The following TTLL5 variants were observed in gnomAD, a reference collection of about 807,000 sequenced individuals.
TTLL5 encodes the protein tubulin polyglutamylase TTLL5.
A neutral mutation model predicts 168.4 loss-of-function variants in TTLL5; 132 were observed. The ratio of observed to expected loss-of-function variants is 0.78; its 90% CI spans 0.68 to 0.91. TTLL5 has a LOEUF of 0.91. TTLL5 is among the 40% of genes least tolerant of loss of function. The pLI, the probability that TTLL5 is intolerant of heterozygous loss-of-function variation, is 0.00. For synonymous variants in TTLL5, 546 were observed against 558.6 expected, an observed-to-expected ratio of 0.98 and a Z score of 0.32; for missense variants, 1,545 against 1,581.5, an observed-to-expected ratio of 0.98 and a Z score of 0.39.
intron 31 of TTLL5, among the ~76,000 whole-genome samples, chr14:75,920,052 G>T (rs1459771741): frequency 1.3e-5 from 2 of 152,178 alleles, no homozygotes; most frequent in East Asian, 3.8e-4. Flanking sequence ...AGCCCAGGAA[G>T]TGGAGGTTGC....
intron 31 of TTLL5, among the ~76,000 whole-genome samples, chr14:75,913,166 A>G (rs2033458312): frequency 6.6e-6 from 1 of 152,206 alleles, no homozygotes; most frequent in South Asian, 2.1e-4. Flanking sequence ...ATCTTCTGAA[A>G]GCTTTGGCAG....
Position 75,764,731 on chromosome 14 carries a change from G to A in TTLL5, c.1667G>A (p.Arg556Gln), listed in dbSNP as rs140783328. The change falls in exon 19 of 32, where the codon CGA becomes CAA. Residue 556 changes from arginine (R) to glutamine (Q), a missense_variant. Arg to Gln is a conservative substitution (Grantham distance 43). Coordinates refer to ENST00000298832, the MANE Select transcript of TTLL5 (RefSeq NM_015072.5). ...LLSLEVRKRRRRSSRLRAMRP... is the reference protein window; with the variant it reads ...LLSLEVRKRRQRSSRLRAMRP... Reference sequence around the variant, plus strand: ...TCTCTGGAGGTGCGAAAACGTAGACGACGGAGTAGCAGATTGAGGGCAATG... The same window carrying A: ...TCTCTGGAGGTGCGAAAACGTAGACAACGGAGTAGCAGATTGAGGGCAATG... The A allele has an allele frequency of 1.2e-5, 20 of 1,614,010 alleles. No individual in the cohort carries two copies. Among genetic ancestry groups the A allele is most frequent in the Admixed American group, 1.0e-4 (6 of 59,998 alleles).
intron 3 of TTLL5, among the ~76,000 whole-genome samples, chr14:75,677,073 A>G (rs1030510007): frequency 6.6e-6 from 1 of 152,052 alleles, no homozygotes; most frequent in Non-Finnish European, 1.5e-5. Context: ...CACCTGGCCC[A>G]TTTTAATTTT....
intron 31 of TTLL5, among the ~76,000 whole-genome samples, chr14:75,914,033 A>AAAAAAAAAAAATATATAT: frequency 6.5e-4 from 46 of 71,070 alleles, no homozygotes; most frequent in Non-Finnish European, 9.3e-4. Flanking sequence ...AAAAAAAAAA[A>AAAAAAAAAAAATATATAT]ATATATATAT....
intron 29 of TTLL5, among the ~76,000 whole-genome samples, chr14:75,871,537 GCTATATACT>G (rs1172313952): frequency 1.3e-5 from 2 of 150,828 alleles, no homozygotes; most frequent in African/African-American, 4.9e-5. Flanking sequence ...CTGCTGCACT[GCTATATACT>G]CTCGTATACA....
At chr14:75,715,368 G>A (rs538792630) in intron 9 of TTLL5, among the ~76,000 whole-genome samples, 2 of 151,342 alleles carry the variant, frequency 1.3e-5, no homozygotes, top group African/African-American at 4.9e-5. Flanking sequence ...TGTTGTTCAG[G>A]TAATTAAAGT....
chr14:75,826,167 A>C lies in TTLL5; in HGVS notation c.3326+6006A>C, dbSNP rs183509204. Among the ~76,000 whole-genome samples, 16 of 152,244 alleles carry C rather than the reference A, an allele frequency of 1.1e-4. No individual in the cohort carries two copies. The East Asian group carries it at 2.9e-3, about 28-fold the overall frequency. Reference sequence around the variant, plus strand: ...ATCTTTCTTATCCACAAGTCAGAATAAAGCATGGAATGCAGTGTTTGCAGT... The same window carrying C: ...ATCTTTCTTATCCACAAGTCAGAATCAAGCATGGAATGCAGTGTTTGCAGT... On this transcript the variant is annotated intron_variant, in intron 28 of 31. Transcript: ENST00000298832.
At chr14:75,723,903 AACCTCATCCC>A (rs1489781865) in intron 12 of TTLL5, among the ~76,000 whole-genome samples, 1 of 152,162 alleles carries the variant, frequency 6.6e-6, no homozygotes, top group African/African-American at 2.4e-5. Flanking sequence ...GTGCTTCATT[AACCTCATCCC>A]ATCAGATATG....
At chr14:75,945,432 T>C (rs2034741078) in intron 31 of TTLL5, among the ~76,000 whole-genome samples, 1 of 151,510 alleles carries the variant, frequency 6.6e-6, no homozygotes, top group Non-Finnish European at 1.5e-5. Flanking sequence ...GATTTTTATA[T>C]TTTTAGTAGA....
chr14:75,811,156 A>AGAGTGTGTGTGTGTGTGT lies in TTLL5; in HGVS notation c.3172-8850_3172-8849insAGTGTGTGTGTGTGTGTG, dbSNP rs60194482. On this transcript the variant is annotated intron_variant, in intron 27 of 31. Transcript: ENST00000298832. ...GGGAAAGAGAGGGAATGAAAGAAAG[A>AGAGTGTGTGTGTGTGTGT]GTGTGTGTGTGTGTGTGTGTGTGTG... 1.1e-3 allele frequency among the ~76,000 whole-genome samples: 123 copies of AGAGTGTGTGTGTGTGTGT among 116,622 alleles called. 1 individual carries two copies. Among genetic ancestry groups the AGAGTGTGTGTGTGTGTGT allele is most frequent in the African/African-American group, 3.4e-3 (100 of 29,654 alleles). The allele number at this position is 116,622 out of a possible 152,430, so 76.5% of individuals were successfully genotyped here.
At chr14:75,794,448 T>A (rs1245304193) in intron 27 of TTLL5, among the ~76,000 whole-genome samples, 2 of 142,012 alleles carry the variant, frequency 1.4e-5, no homozygotes, top group Non-Finnish European at 3.0e-5. Flanking sequence ...GTGATTGTAG[T>A]AAAAAAAAAA....
chr14:75,836,684 C>T (rs189039745), intron 28 of TTLL5, among the ~76,000 whole-genome samples: 1 of 151,986 alleles, frequency 6.6e-6, no homozygotes, highest in East Asian at 1.9e-4. Context: ...TATACACCTG[C>T]TATGTATGCA....
chr14:75,891,198 A>G (rs1001499011), intron 30 of TTLL5, among the ~76,000 whole-genome samples: 4 of 152,200 alleles, frequency 2.6e-5, no homozygotes, highest in Admixed American at 6.5e-5. Context: ...TTGTTCCTAC[A>G]TATCCATGTC....
chr14:75,744,191 C>T (rs1889454025), intron 15 of TTLL5, among the ~76,000 whole-genome samples: 1 of 152,188 alleles, frequency 6.6e-6, no homozygotes, highest in Admixed American at 6.5e-5. Context: ...ATCAAGAGGA[C>T]AATTTGCACC....
At chr14:75,718,257 G>A (rs775753750) in intron 10 of TTLL5, among the ~76,000 whole-genome samples, 15 of 152,124 alleles carry the variant, frequency 9.9e-5, no homozygotes, top group Non-Finnish European at 2.1e-4. Flanking sequence ...CATATGGAAC[G>A]TTTTAGAAGT....
intron 15 of TTLL5, among the ~76,000 whole-genome samples, chr14:75,743,280 G>T (rs1594955995): frequency 6.6e-6 from 1 of 152,300 alleles, no homozygotes; most frequent in Admixed American, 6.5e-5. Context: ...GGTCTCTCTT[G>T]TGTCCAAAGA....
In TTLL5 at chr14:75,954,014, C is replaced by T. The variant is rs1478394479; in HGVS notation, c.3824-410C>T. Among the ~76,000 whole-genome samples the T allele has an allele frequency of 2.6e-5, 4 of 151,984 alleles. No homozygotes were observed. In the East Asian group the frequency reaches 5.8e-4, roughly 22 times the overall value. On this transcript the variant is annotated intron_variant, in intron 31 of 31. Transcript: ENST00000298832. ...CTGTAATCCCAGCACTTTGGGAGGC[C>T]GAGGTGGGCAGATCACGAGGTCAGG... is the stretch of plus-strand genomic sequence containing the variant.
At position 75,663,231 on chromosome 14, in the gene TTLL5, A is replaced by G. The variant is rs1222450012; in HGVS notation, c.74+8A>G. Reference sequence around the variant, plus strand: ...GGAGGTCATAAGTCAAGAGTAAGTAATAGCAAGCCTGCTTTCAACCTGTGC... The same window carrying G: ...GGAGGTCATAAGTCAAGAGTAAGTAGTAGCAAGCCTGCTTTCAACCTGTGC... On this transcript the variant is annotated splice_region_variant and intron_variant, in intron 2 of 31. Coordinates refer to ENST00000298832, the MANE Select transcript of TTLL5 (RefSeq NM_015072.5). 5.6e-6 allele frequency: 9 copies of G among 1,609,810 alleles called. No individual in the cohort carries two copies. The highest frequency in any genetic ancestry group is 7.6e-6 in the Non-Finnish European group (9 of 1,178,176).
At chr14:75,936,109 C>T (rs952280270) in intron 31 of TTLL5, among the ~76,000 whole-genome samples, 1 of 152,094 alleles carries the variant, frequency 6.6e-6, no homozygotes, top group African/African-American at 2.4e-5. Context: ...ATTTATTGAG[C>T]ACCTGCTGTA....
Sources: allele counts gnomAD v4.1 joint callset (sites outside exome capture counted in the v4.1 genomes callset), GRCh38; gene constraint gnomAD v4.1.1; transcripts MANE v1.5; gene names NCBI Gene and HGNC (gene_info 2026-07-23, HGNC 2026-07-21).